CNTRL: variants seen among roughly 807,000 people sequenced by gnomAD.
The protein encoded by CNTRL is 110 kDa centrosomal protein.
In CNTRL, 233 loss-of-function variants were observed where a neutral mutation model predicts 303.7. The observed-to-expected ratio is 0.77, with a 90% CI of 0.69 to 0.86. The LOEUF (loss-of-function observed/expected upper bound fraction) is 0.86. CNTRL is among the 40% of genes least tolerant of loss of function. The pLI is 0.00. For synonymous variants in CNTRL, 900 were observed against 922.2 expected (o/e 0.98, Z 0.44); for missense variants, 2,524 against 2,650.6 (o/e 0.95, Z 1.05).
intron 23 of CNTRL, among the ~76,000 whole-genome samples, 187 bp downstream of exon 23, chr9:121,146,443 G>A (rs545387772): frequency 6.6e-6 from 1 of 152,284 alleles, no homozygotes; most frequent in South Asian, 2.1e-4. Flanking sequence ...GGTGACAGTT[G>A]ACTGTTCATA....
Position 121,125,872 on chromosome 9 carries a change from C to T in CNTRL, c.1961C>T (p.Thr654Ile). 6.2e-7 allele frequency: 1 copy of T among 1,614,136 alleles called. No homozygotes were observed. ...DEKETLLQRLTEVEQERDQLE... is the reference protein window; with the variant it reads ...DEKETLLQRLIEVEQERDQLE... Reference sequence around the variant, plus strand: ...AAAGAGACATTGTTGCAGAGATTGACAGAAGTCGAGCAGGAGAGAGACCAG... The same window carrying T: ...AAAGAGACATTGTTGCAGAGATTGATAGAAGTCGAGCAGGAGAGAGACCAG... The change falls in exon 14 of 44, where the codon ACA becomes ATA. Residue 654 changes from threonine to isoleucine, a missense_variant. By Grantham distance (89) the Thr-to-Ile change is moderately conservative. Coordinates refer to ENST00000373855, the MANE Select transcript of CNTRL (RefSeq NM_007018.6).
At chr9:121,102,767 G>A (rs1443682145) in intron 7 of CNTRL, among the ~76,000 whole-genome samples, 1 of 152,162 alleles carries the variant, frequency 6.6e-6, no homozygotes, top group African/African-American at 2.4e-5. Flanking sequence ...GACAGACAGA[G>A]AGCAGAATCA....
intron 43 of CNTRL, 162 bp downstream of exon 43, chr9:121,175,386 C>T: frequency 3.0e-6 from 2 of 676,122 alleles, no homozygotes; most frequent in South Asian, 3.0e-5. Flanking sequence ...CCCACCTCAG[C>T]CTCCCATGTA....
chr9:121,175,261 C>T (rs1449450735), intron 43 of CNTRL, 37 bp downstream of exon 43: 7 of 1,589,236 alleles, frequency 4.4e-6, no homozygotes, highest in Non-Finnish European at 6.0e-6. Flanking sequence ...AAACAATAGC[C>T]TGAGGTTGTT....
intron 26 of CNTRL, 56 bp downstream of exon 26, chr9:121,152,749 G>A: frequency 7.7e-7 from 1 of 1,296,238 alleles, no homozygotes; most frequent in Non-Finnish European, 1.1e-6. Flanking sequence ...CATTAATGCT[G>A]TCGAACAGAA....
Position 121,177,123 on chromosome 9 carries a change from T to A in CNTRL, c.6955-40T>A, listed in dbSNP as rs771187266. ...ACTTAGTTAAGACTGTTTTTACTGT[T>A]TCAAGAATTTGATTTATCCTTCCTT... On this transcript the variant is annotated intron_variant, in intron 43 of 43. Coordinates refer to ENST00000373855, the MANE Select transcript of CNTRL (RefSeq NM_007018.6). 6 of 1,578,540 alleles carry A rather than the reference T, an allele frequency of 3.8e-6. No homozygotes were observed. In the African/African-American group the frequency reaches 8.1e-5, roughly 21 times the overall value.
rs370735215 is a variant in CNTRL, at chr9:121,113,702, CAAA to C, written c.1324_1326del (p.Lys442del). Reference sequence around the variant, plus strand: ...CACCACTGGACACGCAACTGGAAGACAAAGAAAAAAAAATAAGTGCAGGTTAAA... The same window carrying C: ...CACCACTGGACACGCAACTGGAAGACGAAAAAAAAATAAGTGCAGGTTAAA... On this transcript the variant is annotated inframe_deletion, in exon 10 of 44. Coordinates refer to ENST00000373855, the MANE Select transcript of CNTRL (RefSeq NM_007018.6). 125 of 1,500,380 alleles carry C rather than the reference CAAA, an allele frequency of 8.3e-5. No homozygotes were observed. The African/African-American group carries it at 1.3e-3, about 15-fold the overall frequency. 92.9% of individuals were successfully genotyped at this position (1,500,380 alleles called of 1,614,324 possible). A position where few individuals can be genotyped will look rare whatever the true frequency, so the allele number is the denominator to read the frequency against.
In CNTRL at chr9:121,092,514, C is replaced by A. The variant is rs374010427; in HGVS notation, c.348+2109C>A. Among the ~76,000 whole-genome samples the A allele has an allele frequency of 1.6e-4, 4 of 24,980 alleles. 1 individual carries two copies. Among genetic ancestry groups the A allele is most frequent in the Non-Finnish European group, 2.7e-4 (3 of 11,032 alleles). The allele number at this position is 24,980 out of a possible 152,430, so 16.4% of individuals were successfully genotyped here. On this transcript the variant is annotated intron_variant, in intron 4 of 43. Coordinates refer to ENST00000373855, the MANE Select transcript of CNTRL (RefSeq NM_007018.6). ...ATATATCTATATATATAATATATAT[C>A]TATATATATAATATATATCTATATA...
chr9:121,145,800 G>A (rs1376503915), intron 22 of CNTRL, among the ~76,000 whole-genome samples: 1 of 152,210 alleles, frequency 6.6e-6, no homozygotes, highest in Non-Finnish European at 1.5e-5. Context: ...GGAAGGTGAG[G>A]CAGGAGAATC....
At chr9:121,165,869 C>G (rs1000042231) in intron 35 of CNTRL, among the ~76,000 whole-genome samples, 1 of 152,134 alleles carries the variant, frequency 6.6e-6, no homozygotes, top group Non-Finnish European at 1.5e-5. Flanking sequence ...TAAGTATTAT[C>G]TGTAATTTTT....
intron 31 of CNTRL, 100 bp downstream of exon 31, chr9:121,159,119 C>T: frequency 1.6e-6 from 2 of 1,244,518 alleles, no homozygotes; most frequent in Non-Finnish European, 2.2e-6. Context: ...AATATAAATT[C>T]CTGAAATCTT....
chr9:121,092,435 G>A (rs2048620272), intron 4 of CNTRL, among the ~76,000 whole-genome samples: 1 of 112,054 alleles, frequency 8.9e-6, no homozygotes. Context: ...GATATAGATA[G>A]ATAGATAGAT....
chr9:121,171,259 T>C, intron 39 of CNTRL, 149 bp from the exon 40 acceptor site: 7 of 806,322 alleles, frequency 8.7e-6, no homozygotes, highest in Non-Finnish European at 1.3e-5. Flanking sequence ...GATCTGCCCA[T>C]GAAAGGCCGA....
At chr9:121,090,819 T>C (rs2048536969) in intron 4 of CNTRL, among the ~76,000 whole-genome samples, 1 of 152,218 alleles carries the variant, frequency 6.6e-6, no homozygotes, top group African/African-American at 2.4e-5. Flanking sequence ...TATTCGTTCA[T>C]TTTCATGCTG....
intron 8 of CNTRL, 111 bp from the exon 9 acceptor site, chr9:121,112,348 A>G (rs1332272416): frequency 1.2e-6 from 1 of 804,730 alleles, no homozygotes; most frequent in East Asian, 2.8e-5. Context: ...CTTACTGTGA[A>G]GTTTTTAAAC....
chr9:121,124,971 T>C (rs1312591660), intron 13 of CNTRL, among the ~76,000 whole-genome samples: 4 of 149,222 alleles, frequency 2.7e-5, no homozygotes, highest in Non-Finnish European at 5.9e-5. Context: ...AGAGAGATAG[T>C]GTTCATAAAG....
chr9:121,155,485 G>A (rs906604442), intron 27 of CNTRL, among the ~76,000 whole-genome samples: 6 of 152,058 alleles, frequency 3.9e-5, no homozygotes, highest in Non-Finnish European at 8.8e-5. Context: ...GGGTTCAAGC[G>A]ATTCTCCTGC....
chr9:121,152,715 A>G, intron 26 of CNTRL, 22 bp downstream of exon 26: 1 of 1,509,440 alleles, frequency 6.6e-7, no homozygotes. Context: ...ATTTTTTATA[A>G]TTCAGACAAA....
chr9:121,126,649 A>G (rs2050544182), intron 14 of CNTRL, among the ~76,000 whole-genome samples: 1 of 152,216 alleles, frequency 6.6e-6, no homozygotes, highest in Non-Finnish European at 1.5e-5. Context: ...CAGAAGTAAC[A>G]AAGTTCTGAA....
Sources: allele counts gnomAD v4.1 joint callset (sites outside exome capture counted in the v4.1 genomes callset), GRCh38; gene constraint gnomAD v4.1.1; transcripts MANE v1.5; gene names NCBI Gene and HGNC (gene_info 2026-07-23, HGNC 2026-07-21).